CACNA1C: variants seen among roughly 807,000 people sequenced by gnomAD.
The protein encoded by CACNA1C is calcium voltage-gated channel subunit alpha1 C.
In CACNA1C, 30 loss-of-function variants were observed where a neutral mutation model predicts 229.0. That is an observed-to-expected ratio of 0.13 (90% CI 0.10 to 0.18). The LOEUF is 0.18. Among genes scored for constraint, CACNA1C ranks in the 10% least tolerant of loss-of-function variants. The probability of loss-of-function intolerance (pLI) is 1.00; values close to 1 mark genes in which losing one functional copy is unlikely to be tolerated. For synonymous variants in CACNA1C, 1,114 were observed against 1,132.5 expected (o/e 0.98, Z 0.33); for missense variants, 1,658 against 2,845.0 (o/e 0.58, Z 9.49).
At chr12:2,502,010 G>C (rs2099761559) in intron 7 of CACNA1C, among the ~76,000 whole-genome samples, 1 of 152,222 alleles carries the variant, frequency 6.6e-6, no homozygotes, top group Non-Finnish European at 1.5e-5. Context: ...CTTCCTTCCT[G>C]CTCTTTATCT....
In CACNA1C at chr12:2,311,576, A is replaced by G. The variant is rs531333274; in HGVS notation, c.478-137400A>G. Among the ~76,000 whole-genome samples the G allele has an allele frequency of 6.6e-5, 10 of 152,338 alleles. No individual in the cohort carries two copies. The East Asian group carries it at 1.7e-3, about 27-fold the overall frequency. On this transcript the variant is annotated intron_variant, in intron 3 of 46. Transcript: ENST00000399655. ...CTCTCTCGCACAGCAAACAGGCGAC[A>G]GCGTGAGAAGCCTAACTGGGCATCA...
In CACNA1C at chr12:2,493,472, T is replaced by A; in HGVS notation, c.1113+86T>A. 6 of 1,008,578 alleles carry A rather than the reference T, an allele frequency of 5.9e-6. No individual in the cohort carries two copies. Among genetic ancestry groups the A allele is most frequent in the South Asian group, 1.4e-5 (1 of 73,034 alleles). The allele number at this position is 1,008,578 out of a possible 1,614,324, so 62.5% of individuals were successfully genotyped here. On this transcript the variant is annotated intron_variant, in intron 7 of 46. Coordinates refer to ENST00000399655, the MANE Select transcript of CACNA1C (RefSeq NM_000719.7). This position sits in a 1 kb window ranked among gnomAD's most constrained non-coding sequence, Gnocchi z 4.6. Reference sequence around the variant, plus strand: ...ACACCTCCCTTTCTCCTCCTCCCCATGGTCTTGGGGTCACATACGCATCTT... The same window carrying A: ...ACACCTCCCTTTCTCCTCCTCCCCAAGGTCTTGGGGTCACATACGCATCTT...
chr12:2,163,203 C>CAAAA (rs35977267), intron 3 of CACNA1C, among the ~76,000 whole-genome samples: 1 of 109,564 alleles, frequency 9.1e-6, no homozygotes. Context: ...AATTCCATCT[C>CAAAA]AAAAAAAAAA....
intron 3 of CACNA1C, among the ~76,000 whole-genome samples, chr12:2,192,910 C>T (rs2097284906): frequency 6.6e-6 from 1 of 152,230 alleles, no homozygotes; most frequent in Non-Finnish European, 1.5e-5. Flanking sequence ...CCTTTGTCCT[C>T]TGCATTCAGA....
chr12:2,581,055 A>G (rs1002519447), intron 13 of CACNA1C, among the ~76,000 whole-genome samples: 1 of 152,182 alleles, frequency 6.6e-6, no homozygotes, highest in Non-Finnish European at 1.5e-5. Context: ...CCTCTGCTAG[A>G]AGGCTGCTGC....
intron 29 of CACNA1C, among the ~76,000 whole-genome samples, chr12:2,620,611 T>C (rs139707857): frequency 1.0e-3 from 153 of 152,352 alleles, no homozygotes; most frequent in African/African-American, 3.6e-3. Context: ...CTAGATTGCT[T>C]TGGACCTTTG....
intron 29 of CACNA1C, among the ~76,000 whole-genome samples, chr12:2,618,314 A>G (rs2081627938): frequency 6.6e-6 from 1 of 152,216 alleles, no homozygotes; most frequent in Admixed American, 6.5e-5. Context: ...CACCCAGGCC[A>G]GGGTGTCAGT....
In CACNA1C at chr12:2,467,097, TCA is replaced by T. The variant is rs1489026764; in HGVS notation, c.757+9396_757+9397del. Among the ~76,000 whole-genome samples the T allele has an allele frequency of 6.6e-6, 1 of 152,142 alleles. No individual in the cohort carries two copies. Among genetic ancestry groups the T allele is most frequent in the Non-Finnish European group, 1.5e-5 (1 of 68,022 alleles). On this transcript the variant is annotated intron_variant, in intron 5 of 46. Transcript: ENST00000399655. The surrounding 1 kb of genome is among the most constrained non-coding windows in gnomAD (Gnocchi z 4.6). The stretch of plus-strand genomic sequence containing the variant: ...CCCTGAGGCCGTCCCTCATTCTCCT[TCA>T]CACAGCGCTGGAGGCTGCCTGGTCC...
At chr12:2,342,976 C>T (rs2096907229) in intron 3 of CACNA1C, among the ~76,000 whole-genome samples, 1 of 152,198 alleles carries the variant, frequency 6.6e-6, no homozygotes, top group African/African-American at 2.4e-5. Context: ...ATCAGCTCTG[C>T]AAGGCAGATA....
intron 3 of CACNA1C, among the ~76,000 whole-genome samples, chr12:2,336,924 A>G (rs1230046033): frequency 6.6e-6 from 1 of 152,170 alleles, no homozygotes; most frequent in Non-Finnish European, 1.5e-5. Flanking sequence ...ACCGCAAGAA[A>G]AGGTGGCTTC....
intron 1 of CACNA1C, among the ~76,000 whole-genome samples, chr12:2,084,560 C>T (rs2066859947): frequency 6.6e-6 from 1 of 152,202 alleles, no homozygotes. Context: ...TCTTGCCCCA[C>T]CTCTGCTGGT....
intron 9 of CACNA1C, among the ~76,000 whole-genome samples, chr12:2,521,694 T>C (rs1465528392): frequency 6.6e-6 from 1 of 152,212 alleles, no homozygotes; most frequent in African/African-American, 2.4e-5. Context: ...TCAAGTCGTA[T>C]GGGCTGTCCT....
At chr12:2,458,746 A>G (rs2099465456) in intron 5 of CACNA1C, among the ~76,000 whole-genome samples, 1 of 152,164 alleles carries the variant, frequency 6.6e-6, no homozygotes, top group African/African-American at 2.4e-5. Flanking sequence ...GGGTGGTATC[A>G]TCTGGAGTCA....
chr12:2,365,181 C>T (rs970958404), intron 3 of CACNA1C, among the ~76,000 whole-genome samples: 7 of 151,998 alleles, frequency 4.6e-5, no homozygotes, highest in South Asian at 2.1e-4. Context: ...GCCAGAGAAG[C>T]GAAACATTTT....
intron 8 of CACNA1C, among the ~76,000 whole-genome samples, chr12:2,511,817 G>T (rs1237580674): frequency 6.6e-6 from 1 of 152,022 alleles, no homozygotes; most frequent in African/African-American, 2.4e-5. Context: ...AAAAGAAATA[G>T]TTATTGTGTC....
chr12:2,567,503 T>C, intron 12 of CACNA1C, 66 bp from the exon 13 acceptor site: 1 of 959,658 alleles, frequency 1.0e-6, no homozygotes, highest in South Asian at 1.5e-5. Context: ...TGTATTTCCT[T>C]TCCCTGCCTC....
chr12:1,997,523 T>A (rs2041228991), intron 1 of CACNA1C, among the ~76,000 whole-genome samples: 1 of 152,040 alleles, frequency 6.6e-6, no homozygotes, highest in Admixed American at 6.6e-5. Flanking sequence ...CGAGACTCCA[T>A]CTCAAAAAAA....
At chr12:2,266,968 A>G (rs762034796) in intron 3 of CACNA1C, among the ~76,000 whole-genome samples, 2 of 152,214 alleles carry the variant, frequency 1.3e-5, no homozygotes, top group Non-Finnish European at 2.9e-5. Flanking sequence ...AGTATCTGTT[A>G]TTTATTAAAC....
chr12:2,178,561 C>T (rs1234997388), intron 3 of CACNA1C, among the ~76,000 whole-genome samples: 1 of 152,120 alleles, frequency 6.6e-6, no homozygotes, highest in Non-Finnish European at 1.5e-5. Flanking sequence ...GAGTCTGGGC[C>T]CCTTGTGGGG....
Sources: gnomAD v4.1 joint callset for allele counts (sites outside exome capture counted in the v4.1 genomes callset) on GRCh38, gnomAD v4.1.1 for gene constraint, Gnocchi (gnomAD v3.1) non-coding constraint, MANE v1.5 for transcripts, NCBI Gene and HGNC (gene_info 2026-07-23, HGNC 2026-07-21) for gene names.